Variants in RCBTB1 observed in about 807,000 individuals in gnomAD.
RCBTB1 encodes the protein RCC1 and BTB domain-containing protein 1.
Under a neutral mutation model 62.4 loss-of-function variants are expected in RCBTB1, and 46 were observed. The ratio of observed to expected loss-of-function variants is 0.74; its 90% CI spans 0.58 to 0.94. RCBTB1 has a LOEUF of 0.94. Among genes scored for constraint, RCBTB1 ranks in the 40% least tolerant of loss-of-function variants. The pLI is 0.00. For synonymous variants in RCBTB1, 222 were observed against 245.8 expected (o/e 0.90, Z 0.91); for missense variants, 565 against 654.9 (o/e 0.86, Z 1.50).
rs1962311619 is a variant in RCBTB1, at chr13:49,560,053, T to C, written c.309A>G (p.Gly103=). ...TCGTCCCATTCCCAAGCTGGCTATATCCATTGTGGCCCCAGGCATAAACCA... is the reference window on the plus strand; with the variant it reads ...TCGTCCCATTCCCAAGCTGGCTATACCCATTGTGGCCCCAGGCATAAACCA... The part of the protein sequence containing the change: ...DGVVYAWGHN[G]YSQLGNGTTN... Residue 103 remains glycine, a synonymous_variant, in exon 5 of 13, where the codon GGA becomes GGG. Transcript: ENST00000378302. The C allele has an allele frequency of 3.7e-6, 6 of 1,614,060 alleles. No individual in the cohort carries two copies. The highest frequency in any genetic ancestry group is 5.1e-6 in the Non-Finnish European group (6 of 1,180,004).
At chr13:49,583,219 A>G (rs1964206417) in intron 1 of RCBTB1, among the ~76,000 whole-genome samples, 1 of 152,080 alleles carries the variant, frequency 6.6e-6, no homozygotes, top group South Asian at 2.1e-4. Context: ...AAAATGGTGA[A>G]GTCTGAAGCA....
intron 2 of RCBTB1, among the ~76,000 whole-genome samples, chr13:49,571,669 G>C (rs1963409508): frequency 6.6e-6 from 1 of 152,144 alleles, no homozygotes; most frequent in African/African-American, 2.4e-5. Flanking sequence ...CTATGTGCCA[G>C]GCAGAACAAC....
At chr13:49,584,521 C>T (rs1167151094) in intron 1 of RCBTB1, among the ~76,000 whole-genome samples, 1 of 152,170 alleles carries the variant, frequency 6.6e-6, no homozygotes, top group Non-Finnish European at 1.5e-5. Context: ...AAGTTTAAAG[C>T]ACCTATAAAC....
chr13:49,581,509 A>G (rs1003963134), intron 1 of RCBTB1, among the ~76,000 whole-genome samples: 2 of 152,216 alleles, frequency 1.3e-5, no homozygotes, highest in African/African-American at 4.8e-5. Flanking sequence ...AAAGTGGACA[A>G]GTCCCAACAG....
intron 1 of RCBTB1, among the ~76,000 whole-genome samples, chr13:49,584,846 A>G (rs1594371785): frequency 6.6e-6 from 1 of 152,342 alleles, no homozygotes. Context: ...AGCGTGCTCG[A>G]TAGTCATCTT....
chr13:49,567,629 A>G (rs1466034567), intron 2 of RCBTB1, among the ~76,000 whole-genome samples: 1 of 152,194 alleles, frequency 6.6e-6, no homozygotes, highest in Non-Finnish European at 1.5e-5. Context: ...AAACAGCCAA[A>G]GCAGCAGGTC....
At chr13:49,540,817 G>A in intron 12 of RCBTB1, 59 bp downstream of exon 12, 2 of 1,565,818 alleles carry the variant, frequency 1.3e-6, no homozygotes, top group South Asian at 1.2e-5. Flanking sequence ...CAAGAAGCGG[G>A]GGAGACGAGC....
At chr13:49,582,585 T>C (rs1964167269) in intron 1 of RCBTB1, among the ~76,000 whole-genome samples, 1 of 152,206 alleles carries the variant, frequency 6.6e-6, no homozygotes, top group Non-Finnish European at 1.5e-5. Flanking sequence ...AGGGTGAATG[T>C]GAATGAAAGC....
intron 5 of RCBTB1, among the ~76,000 whole-genome samples, chr13:49,556,799 AT>A (rs1446013304): frequency 6.6e-6 from 1 of 152,216 alleles, no homozygotes; most frequent in Non-Finnish European, 1.5e-5. Flanking sequence ...ATCTAGTTTA[AT>A]TATGCAAATA....
At chr13:49,546,052 A>G (rs944409800) in intron 9 of RCBTB1, 1 of 983,076 alleles carries the variant, frequency 1.0e-6, no homozygotes, top group Non-Finnish European at 1.2e-6. Flanking sequence ...GCTTCCCCTG[A>G]CCTTGCAACC....
At chr13:49,564,276 G>A (rs369643088) in intron 4 of RCBTB1, among the ~76,000 whole-genome samples, 2 of 152,152 alleles carry the variant, frequency 1.3e-5, no homozygotes, top group African/African-American at 4.8e-5. Context: ...AGGAAAGCCA[G>A]GTAGCATCTA....
intron 4 of RCBTB1, among the ~76,000 whole-genome samples, chr13:49,563,901 T>C (rs1962686033): frequency 6.6e-6 from 1 of 152,196 alleles, no homozygotes; most frequent in Non-Finnish European, 1.5e-5. Flanking sequence ...TAGGAAGCTG[T>C]GATTCCTCAG....
chr13:49,552,275 C>T lies in RCBTB1; in HGVS notation c.614G>A (p.Trp205Ter), dbSNP rs1301983940. 6.3e-7 allele frequency: 1 copy of T among 1,597,192 alleles called. No individual in the cohort carries two copies. The highest frequency in any genetic ancestry group is 1.7e-5 in the Admixed American group (1 of 58,344). Residue 205 changes from tryptophan to a stop codon, truncating the protein, a stop_gained, in exon 7 of 13, where the codon TGG becomes TAG. Coordinates refer to ENST00000378302, the MANE Select transcript of RCBTB1 (RefSeq NM_018191.4). LOFTEE classifies it high-confidence loss of function. Reference sequence around the variant, plus strand: ...CAGCTGACCGTTGCCATTGTAACCCCAGCCATATACCTTAGAGAGGACAGA... The same window carrying T: ...CAGCTGACCGTTGCCATTGTAACCCTAGCCATATACCTTAGAGAGGACAGA... ...AVLDNGEVYG[W>*]GYNGNGQLGL...
At chr13:49,573,458 T>TC (rs1465801447) in intron 2 of RCBTB1, among the ~76,000 whole-genome samples, 2 of 151,296 alleles carry the variant, frequency 1.3e-5, no homozygotes, top group African/African-American at 4.9e-5. Flanking sequence ...CTTTTTTTTT[T>TC]TTTTTTTGAG....
chr13:49,579,545 G>A (rs1042436394), intron 2 of RCBTB1, among the ~76,000 whole-genome samples: 3 of 151,548 alleles, frequency 2.0e-5, no homozygotes, highest in African/African-American at 7.3e-5. Context: ...AATGGCGTGA[G>A]CCCAGGAGGC....
At chr13:49,578,892 C>A (rs1220956967) in intron 2 of RCBTB1, among the ~76,000 whole-genome samples, 1 of 152,178 alleles carries the variant, frequency 6.6e-6, no homozygotes, top group Non-Finnish European at 1.5e-5. Flanking sequence ...ATTTCTGAAT[C>A]CATTTAATTC....
At chr13:49,560,129 G>C (rs1962319064) in intron 4 of RCBTB1, 45 bp from the exon 5 acceptor site, 1 of 1,597,626 alleles carries the variant, frequency 6.3e-7, no homozygotes, top group Non-Finnish European at 8.5e-7. Context: ...AAAAGAAATA[G>C]TAACCCTGTA....
At chr13:49,546,076 G>T (rs1960761448) in intron 9 of RCBTB1, 1 of 984,990 alleles carries the variant, frequency 1.0e-6, no homozygotes, top group Non-Finnish European at 1.2e-6. Context: ...ATCACTGGTG[G>T]GTAAAAGAAT....
At chr13:49,551,762 T>C (rs973122915) in intron 7 of RCBTB1, among the ~76,000 whole-genome samples, 1 of 152,032 alleles carries the variant, frequency 6.6e-6, no homozygotes, top group Admixed American at 6.6e-5. Context: ...TAGCCAGGTG[T>C]GGTGGCGGCC....
Sources: gnomAD v4.1 joint callset for allele counts (sites outside exome capture counted in the v4.1 genomes callset) on GRCh38, gnomAD v4.1.1 for gene constraint, MANE v1.5 for transcripts, NCBI Gene and HGNC (gene_info 2026-07-23, HGNC 2026-07-21) for gene names.